Variants in CACNA2D3 observed in about 807,000 individuals in gnomAD.
CACNA2D3 encodes calcium voltage-gated channel auxiliary subunit alpha2delta 3, also known as voltage-dependent calcium channel subunit alpha-2/delta-3.
In CACNA2D3, 60 loss-of-function variants were observed where a neutral mutation model predicts 160.6. That is an observed-to-expected ratio of 0.37 (90% CI 0.30 to 0.46). The LOEUF (loss-of-function observed/expected upper bound fraction) is 0.46, where lower values mean the gene tolerates loss of function less well. Ranked by LOEUF, CACNA2D3 falls within the 20% of genes least tolerant of loss-of-function variation. The probability of loss-of-function intolerance (pLI) is 1.00; values close to 1 mark genes in which losing one functional copy is unlikely to be tolerated. For missense variants in CACNA2D3, 1,205 were observed against 1,365.0 expected, an observed-to-expected ratio of 0.88 and a Z score of 1.85; for synonymous variants, 558 against 492.9, an observed-to-expected ratio of 1.13 and a Z score of -1.75.
intron 33 of CACNA2D3, among the ~76,000 whole-genome samples, chr3:55,008,106 T>C (rs1361237790): frequency 6.6e-6 from 1 of 152,230 alleles, no homozygotes; most frequent in East Asian, 1.9e-4. Context: ...TTATTGTGGT[T>C]ACTGCTCAAT....
At chr3:54,519,020 G>GGGGCCTCTAGGTGCCAACTGTCA (rs146957499) in intron 5 of CACNA2D3, among the ~76,000 whole-genome samples, 2 of 136,926 alleles carry the variant, frequency 1.5e-5, no homozygotes, top group African/African-American at 2.7e-5. Flanking sequence ...GGGGGTCCGA[G>GGGGCCTCTAGGTGCCAACTGTCA]TGCCACCTGC....
intron 2 of CACNA2D3, among the ~76,000 whole-genome samples, chr3:54,257,262 A>G (rs997213628): frequency 1.2e-4 from 18 of 152,212 alleles, no homozygotes; most frequent in Admixed American, 7.9e-4. Context: ...GTCAGCTCAG[A>G]AGGCACCAGA....
intron 10 of CACNA2D3, among the ~76,000 whole-genome samples, chr3:54,641,492 G>A (rs916665413): frequency 2.0e-5 from 3 of 152,212 alleles, no homozygotes; most frequent in African/African-American, 7.2e-5. Context: ...GACCTGAAAA[G>A]ATGTCAAAGT....
intron 5 of CACNA2D3, among the ~76,000 whole-genome samples, chr3:54,523,267 T>C (rs1011657813): frequency 3.3e-5 from 5 of 152,210 alleles, no homozygotes; most frequent in Non-Finnish European, 5.9e-5. Context: ...GTTTGGATTT[T>C]GTCAAATGCT....
intron 5 of CACNA2D3, among the ~76,000 whole-genome samples, chr3:54,525,540 T>A (rs1306321060): frequency 6.6e-6 from 1 of 152,206 alleles, no homozygotes; most frequent in African/African-American, 2.4e-5. Flanking sequence ...TTTTTCTTTA[T>A]CTGTTAATAT....
intron 6 of CACNA2D3, among the ~76,000 whole-genome samples, chr3:54,567,015 T>C (rs967196514): frequency 6.6e-5 from 10 of 152,214 alleles, no homozygotes; most frequent in African/African-American, 2.4e-4. Flanking sequence ...ATTAGGGTTT[T>C]CTTCCTTGGC....
At chr3:54,821,276 A>G (rs999352479) in intron 14 of CACNA2D3, among the ~76,000 whole-genome samples, 12 of 152,202 alleles carry the variant, frequency 7.9e-5, no homozygotes, top group African/African-American at 2.7e-4. Flanking sequence ...ACAGCAATTG[A>G]TGCATTCAGG....
intron 13 of CACNA2D3, among the ~76,000 whole-genome samples, chr3:54,789,641 T>G (rs1702708842): frequency 6.6e-6 from 1 of 152,168 alleles, no homozygotes; most frequent in South Asian, 2.1e-4. Flanking sequence ...GAACCCAGGG[T>G]TATTTGGACG....
chr3:54,284,711 C>T lies in CACNA2D3; in HGVS notation c.205-35731C>T, dbSNP rs116225485. ...ACCAGTACTTCTTAATAAAAATAGTCGTCCAATTACCTGCTGCAATAATTT... is the reference window on the plus strand; with the variant it reads ...ACCAGTACTTCTTAATAAAAATAGTTGTCCAATTACCTGCTGCAATAATTT... On this transcript the variant is annotated intron_variant, in intron 2 of 37. Transcript: ENST00000474759. Among the ~76,000 whole-genome samples, 486 of 152,226 alleles carry T rather than the reference C, an allele frequency of 3.2e-3. 2 individuals are homozygous for T. The highest frequency in any genetic ancestry group is 5.6e-3 in the Admixed American group (86 of 15,286).
intron 35 of CACNA2D3, among the ~76,000 whole-genome samples, chr3:55,034,228 C>T (rs4955920): frequency 0.69 from 104,764 of 151,666 alleles, 36,476 homozygotes; most frequent in Admixed American, 0.73. Flanking sequence ...ATGAAATGTT[C>T]TGCTCTTTTT....
chr3:54,412,893 C>T (rs1422332118), intron 4 of CACNA2D3, among the ~76,000 whole-genome samples: 1 of 121,958 alleles, frequency 8.2e-6, no homozygotes, highest in Non-Finnish European at 1.7e-5. Flanking sequence ...TTTTGTTTTG[C>T]TTTTGATTTT....
intron 4 of CACNA2D3, among the ~76,000 whole-genome samples, chr3:54,462,470 G>A (rs1019191833): frequency 2.6e-5 from 4 of 152,124 alleles, no homozygotes; most frequent in African/African-American, 9.7e-5. Context: ...TGTATTGGGG[G>A]CATATATATT....
At chr3:54,360,752 A>T (rs1698727949) in intron 3 of CACNA2D3, among the ~76,000 whole-genome samples, 1 of 152,126 alleles carries the variant, frequency 6.6e-6, no homozygotes, top group African/African-American at 2.4e-5. Context: ...TTTATATATC[A>T]TTCATAATGT....
chr3:54,722,016 G>A (rs1429048644), intron 11 of CACNA2D3, among the ~76,000 whole-genome samples: 1 of 152,110 alleles, frequency 6.6e-6, no homozygotes, highest in Non-Finnish European at 1.5e-5. Flanking sequence ...TTCCAACTTG[G>A]TTCCATTCTC....
chr3:54,932,863 T>C (rs1002127659), intron 27 of CACNA2D3, among the ~76,000 whole-genome samples: 3 of 151,990 alleles, frequency 2.0e-5, no homozygotes, highest in African/African-American at 4.8e-5. Context: ...TAGTGGGGAG[T>C]AGGCCCTTGG....
At chr3:54,419,812 C>T (rs988101738) in intron 4 of CACNA2D3, among the ~76,000 whole-genome samples, 1 of 152,188 alleles carries the variant, frequency 6.6e-6, no homozygotes, top group Non-Finnish European at 1.5e-5. Context: ...GTCACCCAGG[C>T]TGGAGTGCAG....
intron 4 of CACNA2D3, among the ~76,000 whole-genome samples, chr3:54,439,163 C>T (rs1029425455): frequency 7.9e-5 from 12 of 152,322 alleles, no homozygotes; most frequent in Admixed American, 7.2e-4. Context: ...GTGCCCACCT[C>T]CCATCTTCGG....
intron 13 of CACNA2D3, among the ~76,000 whole-genome samples, chr3:54,815,337 T>G (rs991784746): frequency 1.3e-5 from 2 of 152,222 alleles, no homozygotes; most frequent in Non-Finnish European, 2.9e-5. Flanking sequence ...TTTGGAGACA[T>G]CTCTGAGATC....
At chr3:54,981,504 GAGAA>G (rs1303277095) in intron 29 of CACNA2D3, among the ~76,000 whole-genome samples, 4 of 152,122 alleles carry the variant, frequency 2.6e-5, no homozygotes, top group African/African-American at 9.7e-5. Context: ...GCGAGGGGGA[GAGAA>G]AGAAAGAGAG....
Sources: allele counts gnomAD v4.1 joint callset (sites outside exome capture counted in the v4.1 genomes callset), GRCh38; gene constraint gnomAD v4.1.1; transcripts MANE v1.5; gene names NCBI Gene and HGNC (gene_info 2026-07-23, HGNC 2026-07-21).